Variants in IL7 observed in about 807,000 individuals in gnomAD.
IL7 encodes the protein interleukin 7, also known as interleukin-7.
In IL7, 3 loss-of-function variants were observed where a neutral mutation model predicts 21.6. The ratio of observed to expected loss-of-function variants is 0.14; its 90% CI spans 0.06 to 0.36. IL7 has a LOEUF of 0.36. Among genes scored for constraint, IL7 ranks in the 10% least tolerant of loss-of-function variants. The pLI is 1.00. For missense variants in IL7, 175 were observed against 200.2 expected (o/e 0.87, Z 0.76); for synonymous variants, 62 against 68.1 (o/e 0.91, Z 0.44).
At chr8:78,727,361 C>T (rs1290174336) in intron 3 of IL7, among the ~76,000 whole-genome samples, 1 of 152,008 alleles carries the variant, frequency 6.6e-6, no homozygotes, top group Non-Finnish European at 1.5e-5. Context: ...GAGAGTTGCC[C>T]TATTCTCTCT....
chr8:78,765,972 C>A (rs1812742215), intron 2 of IL7, among the ~76,000 whole-genome samples: 1 of 151,964 alleles, frequency 6.6e-6, no homozygotes, highest in African/African-American at 2.4e-5. Flanking sequence ...TGCTTCCAGA[C>A]AATGGAATAT....
At chr8:78,776,057 G>T (rs1183821355) in intron 2 of IL7, among the ~76,000 whole-genome samples, 1 of 151,894 alleles carries the variant, frequency 6.6e-6, no homozygotes, top group East Asian at 1.9e-4. Context: ...ACATACCAAT[G>T]ATAAAACTTT....
chr8:78,745,477 A>G (rs1046651751), intron 2 of IL7, among the ~76,000 whole-genome samples: 11 of 152,152 alleles, frequency 7.2e-5, no homozygotes, highest in East Asian at 1.9e-4. Flanking sequence ...CTTTCATACT[A>G]TATTGTTTTT....
Position 78,800,077 on chromosome 8 carries a change from C to T in IL7, c.11-1869G>A, listed in dbSNP as rs1046986555. Reference sequence around the variant, plus strand: ...TTTTTCAATCCTTATCCCCCTCCTACTCTCCCACCTTTCAAAGTCTCCAAT... The same window carrying T: ...TTTTTCAATCCTTATCCCCCTCCTATTCTCCCACCTTTCAAAGTCTCCAAT... On this transcript the variant is annotated intron_variant, in intron 1 of 5. Transcript: ENST00000263851. Among the ~76,000 whole-genome samples, 3 of 152,206 alleles carry T rather than the reference C, an allele frequency of 2.0e-5. No homozygotes were observed. The South Asian group carries it at 6.2e-4, about 32-fold the overall frequency.
At chr8:78,740,209 C>A in intron 2 of IL7, 127 bp from the exon 3 acceptor site, 1 of 486,588 alleles carries the variant, frequency 2.1e-6, no homozygotes, top group Non-Finnish European at 3.1e-6. Flanking sequence ...ATAAGTTTTG[C>A]CTGGCTCAGC....
chr8:78,782,830 C>A (rs139277695), intron 2 of IL7, among the ~76,000 whole-genome samples: 44 of 152,192 alleles, frequency 2.9e-4, no homozygotes, highest in African/African-American at 9.4e-4. Flanking sequence ...CTCCTCCCCC[C>A]AGAAGCTCCA....
At chr8:78,699,100 G>A (rs1563633404) in intron 3 of IL7, among the ~76,000 whole-genome samples, 3 of 143,972 alleles carry the variant, frequency 2.1e-5, no homozygotes, top group East Asian at 4.1e-4. Context: ...TGCAACTATA[G>A]TATGTATATA....
intron 5 of IL7, among the ~76,000 whole-genome samples, chr8:78,734,230 G>A (rs1811500407): frequency 6.6e-6 from 1 of 152,124 alleles, no homozygotes; most frequent in Admixed American, 6.6e-5. Context: ...TTTTGCCAAA[G>A]ATAATAAGGA....
chr8:78,679,734 A>T (rs1809705319), intron 4 of IL7, among the ~76,000 whole-genome samples: 1 of 152,194 alleles, frequency 6.6e-6, no homozygotes, highest in African/African-American at 2.4e-5. Context: ...AACTTCTTCC[A>T]GTGGTATAAG....
chr8:78,700,754 A>T (rs768866962), intron 3 of IL7, among the ~76,000 whole-genome samples: 7 of 152,188 alleles, frequency 4.6e-5, no homozygotes, highest in Non-Finnish European at 1.0e-4. Flanking sequence ...CTTTTATTAA[A>T]TAGGGAATCC....
downstream of IL7, chr8:78,717,254 C>G: frequency 7.4e-7 from 1 of 1,346,552 alleles, no homozygotes; most frequent in East Asian, 2.4e-5. Context: ...TATTTATGTC[C>G]TGTTTCTCCA....
At chr8:78,787,221 G>A (rs1310309175) in intron 2 of IL7, among the ~76,000 whole-genome samples, 1 of 152,176 alleles carries the variant, frequency 6.6e-6, no homozygotes, top group African/African-American at 2.4e-5. Flanking sequence ...TTGGTCAGAA[G>A]CACAGGTTAG....
intron 3 of IL7, among the ~76,000 whole-genome samples, chr8:78,706,085 T>G (rs1395848589): frequency 6.6e-6 from 1 of 152,064 alleles, no homozygotes; most frequent in Non-Finnish European, 1.5e-5. Flanking sequence ...TCTGGTTGGT[T>G]TGTACTCTCC....
In IL7 at chr8:78,736,509, C is replaced by T; in HGVS notation, c.379G>A (p.Ala127Thr). 6.2e-7 allele frequency: 1 copy of T among 1,602,442 alleles called. No homozygotes were observed. The change falls in exon 5 of 6, where the codon GCT becomes ACT. Residue 127 changes from alanine to threonine, a missense_variant. By Grantham distance (58) the Ala-to-Thr change is moderately conservative. Coordinates refer to ENST00000263851, the MANE Select transcript of IL7 (RefSeq NM_000880.4). ...CTGQVKGRKP[A>T]ALGEAQPTKS... ...GTTGGTTGGGCTTCACCCAGGGCAGCTGGTTTTCTTCCTTTAACCTTAAAA... is the reference window on the plus strand; with the variant it reads ...GTTGGTTGGGCTTCACCCAGGGCAGTTGGTTTTCTTCCTTTAACCTTAAAA...
intron 3 of IL7, among the ~76,000 whole-genome samples, chr8:78,700,325 T>G (rs1810559305): frequency 6.6e-6 from 1 of 152,136 alleles, no homozygotes; most frequent in Admixed American, 6.5e-5. Context: ...TTTGTTTTTT[T>G]TCTTGTAAGT....
At chr8:78,759,831 A>G (rs573389717) in intron 2 of IL7, among the ~76,000 whole-genome samples, 4 of 152,296 alleles carry the variant, frequency 2.6e-5, no homozygotes, top group African/African-American at 9.6e-5. Flanking sequence ...ATAACACCCA[A>G]CAAGTAGAGA....
At chr8:78,792,824 T>A (rs898932751) in intron 2 of IL7, among the ~76,000 whole-genome samples, 1 of 152,230 alleles carries the variant, frequency 6.6e-6, no homozygotes, top group East Asian at 1.9e-4. Context: ...TAACTGCTGA[T>A]AGAAACGCAA....
intron 3 of IL7, among the ~76,000 whole-genome samples, chr8:78,706,685 C>T (rs958248015): frequency 6.6e-6 from 1 of 152,104 alleles, no homozygotes; most frequent in African/African-American, 2.4e-5. Flanking sequence ...GATGAAGGTG[C>T]TGTATTTACT....
chr8:78,791,491 T>G (rs1431509830), intron 2 of IL7, among the ~76,000 whole-genome samples: 1 of 151,958 alleles, frequency 6.6e-6, no homozygotes, highest in Non-Finnish European at 1.5e-5. Context: ...AATACAAAAA[T>G]TAGCTGGGTG....
Sources: allele counts gnomAD v4.1 joint callset (sites outside exome capture counted in the v4.1 genomes callset), GRCh38; gene constraint gnomAD v4.1.1; transcripts MANE v1.5; gene names NCBI Gene and HGNC (gene_info 2026-07-23, HGNC 2026-07-21).